The following AGBL1 variants were observed in gnomAD, a reference collection of about 807,000 sequenced individuals.
AGBL1 encodes cytosolic carboxypeptidase 4.
A neutral mutation model predicts 118.9 loss-of-function variants in AGBL1; 130 were observed. The ratio of observed to expected loss-of-function variants is 1.09; its 90% CI spans 0.95 to 1.26. AGBL1 has a LOEUF of 1.26. Ranked by LOEUF, AGBL1 falls within the 50% of genes most tolerant of loss-of-function variation. The pLI is 0.00. For missense variants in AGBL1, 1,584 were observed against 1,298.1 expected (o/e 1.22, Z -3.38); for synonymous variants, 555 against 478.9 (o/e 1.16, Z -2.08).
rs2141790868 is a variant in AGBL1, at chr15:87,015,602, G to A, written c.3324-13223G>A. 2.0e-5 allele frequency among the ~76,000 whole-genome samples: 3 copies of A among 152,232 alleles called. No individual in the cohort carries two copies. The Middle Eastern group carries it at 0.01, about 518-fold the overall frequency. On this transcript the variant is annotated intron_variant, in intron 24 of 24. Transcript: ENST00000441037. ...TACAACATGATTCTTGACTTCAGTTGAAAATGGTTTAGTGGAGGGAAACAG... is the reference window on the plus strand; with the variant it reads ...TACAACATGATTCTTGACTTCAGTTAAAAATGGTTTAGTGGAGGGAAACAG...
In AGBL1 at chr15:86,194,627, A is replaced by G. The variant is rs559565562; in HGVS notation, c.489-30287A>G. Among the ~76,000 whole-genome samples the G allele has an allele frequency of 3.9e-5, 6 of 152,276 alleles. No homozygotes were observed. In the South Asian group the frequency reaches 8.3e-4, roughly 21 times the overall value. On this transcript the variant is annotated intron_variant, in intron 5 of 22. Coordinates refer to ENST00000614907, the MANE Select transcript of AGBL1 (RefSeq NM_001386094.1). Reference sequence around the variant, plus strand: ...CACCAGTTGTGTAACTTATTTTCCTACGATAACCTGGGTGATAGCCAACAG... The same window carrying G: ...CACCAGTTGTGTAACTTATTTTCCTGCGATAACCTGGGTGATAGCCAACAG...
At position 86,097,326 on chromosome 15, in the gene AGBL1, G is replaced by T. The variant is rs556397147; in HGVS notation, c.51+17303G>T. Among the ~76,000 whole-genome samples the T allele has an allele frequency of 2.0e-5, 3 of 152,216 alleles. No individual in the cohort carries two copies. In the South Asian group the frequency reaches 6.2e-4, roughly 32 times the overall value. On this transcript the variant is annotated intron_variant, in intron 1 of 22. Transcript: ENST00000614907. Reference sequence around the variant, plus strand: ...TTTCTGTATGTTGAGAACATTTCAGGTTCTCTCTTCTAGCTCTATTTAAAT... The same window carrying T: ...TTTCTGTATGTTGAGAACATTTCAGTTTCTCTCTTCTAGCTCTATTTAAAT...
chr15:86,633,740 T>C (rs1250450440), intron 21 of AGBL1, among the ~76,000 whole-genome samples: 4 of 149,584 alleles, frequency 2.7e-5, no homozygotes, highest in African/African-American at 7.3e-5. Context: ...CTTTGTACTG[T>C]ATTATACACA....
intron 18 of AGBL1, among the ~76,000 whole-genome samples, chr15:86,520,371 G>A (rs1401607385): frequency 6.6e-6 from 1 of 152,184 alleles, no homozygotes; most frequent in Admixed American, 6.5e-5. Flanking sequence ...TCACACATGA[G>A]AATGTTGACT....
intron 23 of AGBL1, among the ~76,000 whole-genome samples, chr15:86,982,976 T>C (rs1481958778): frequency 6.6e-6 from 1 of 152,206 alleles, no homozygotes; most frequent in African/African-American, 2.4e-5. Context: ...CGCCATTTTT[T>C]AGTTGACTGG....
In AGBL1 at chr15:86,921,750, G is replaced by A. The variant is rs150583908; in HGVS notation, c.3222-66237G>A. Among the ~76,000 whole-genome samples, 5 of 152,158 alleles carry A rather than the reference G, an allele frequency of 3.3e-5. No homozygotes were observed. In the South Asian group the frequency reaches 8.3e-4, roughly 25 times the overall value. On this transcript the variant is annotated intron_variant, in intron 23 of 24. Coordinates refer to the AGBL1 transcript ENST00000441037. ...GACTGTCTGTGGCCAAGGCTGTAAT[G>A]TCAAGGCGCCTGTGGCATGTCCACC...
intron 22 of AGBL1, among the ~76,000 whole-genome samples, chr15:86,798,951 A>T (rs2078611657): frequency 6.6e-6 from 1 of 151,934 alleles, no homozygotes; most frequent in African/African-American, 2.4e-5. Context: ...GGCAGTCTTC[A>T]TTTGGCATTC....
intron 22 of AGBL1, among the ~76,000 whole-genome samples, chr15:86,890,834 C>G (rs969206953): frequency 3.3e-5 from 5 of 152,062 alleles, no homozygotes; most frequent in African/African-American, 7.2e-5. Context: ...ATGCCTCCAC[C>G]TTTGTTCTTT....
intron 7 of AGBL1, among the ~76,000 whole-genome samples, chr15:86,250,587 A>G (rs143699704): frequency 0.012 from 1,654 of 140,134 alleles, 12 homozygotes; most frequent in South Asian, 0.029. Flanking sequence ...GTGCTCTTCC[A>G]GAGAAAATGT....
chr15:86,308,361 C>G (rs1229415730), intron 17 of AGBL1, among the ~76,000 whole-genome samples: 20 of 151,936 alleles, frequency 1.3e-4, no homozygotes, highest in Admixed American at 1.3e-3. Flanking sequence ...AGAGAGATTA[C>G]TCCCTTTCTC....
At chr15:86,968,533 G>C (rs1357741464) in intron 23 of AGBL1, among the ~76,000 whole-genome samples, 1 of 151,848 alleles carries the variant, frequency 6.6e-6, no homozygotes, top group Non-Finnish European at 1.5e-5. Flanking sequence ...ATCAAATTAA[G>C]ACTCTTGGAA....
intron 22 of AGBL1, among the ~76,000 whole-genome samples, chr15:86,713,675 AAATT>A (rs2142697134): frequency 6.6e-6 from 1 of 152,284 alleles, no homozygotes; most frequent in East Asian, 1.9e-4. Context: ...TCAGCATAAT[AAATT>A]AGTGATGGGA....
chr15:86,682,706 A>T (rs913045961), intron 22 of AGBL1, among the ~76,000 whole-genome samples: 3 of 152,130 alleles, frequency 2.0e-5, no homozygotes, highest in Admixed American at 2.0e-4. Flanking sequence ...GCAGTAAAAA[A>T]AGAACATTAT....
chr15:86,460,221 C>A (rs1187895271), intron 18 of AGBL1, among the ~76,000 whole-genome samples: 1 of 148,904 alleles, frequency 6.7e-6, no homozygotes, highest in Admixed American at 6.8e-5. Context: ...GCATCTCACA[C>A]CTATCATCTC....
intron 7 of AGBL1, among the ~76,000 whole-genome samples, chr15:86,252,013 T>C (rs1422604320): frequency 6.6e-6 from 1 of 152,206 alleles, no homozygotes; most frequent in African/African-American, 2.4e-5. Flanking sequence ...TGAGCATGCA[T>C]CAAAGTTACC....
intron 17 of AGBL1, chr15:86,296,383 A>G (rs2079641961): frequency 6.6e-6 from 1 of 152,242 alleles, no homozygotes; most frequent in East Asian, 1.9e-4. Context: ...TGGTGAAGAT[A>G]CAGCCTTCTC....
At chr15:86,236,932 C>CCG (rs1555453415) in intron 6 of AGBL1, among the ~76,000 whole-genome samples, 1 of 9,372 alleles carries the variant, frequency 1.1e-4, no homozygotes, top group East Asian at 1.9e-3. Context: ...GATATGTGGG[C>CCG]GGGGGGGGGC....
At chr15:86,884,619 C>A (rs1050428106) in intron 22 of AGBL1, among the ~76,000 whole-genome samples, 1 of 152,176 alleles carries the variant, frequency 6.6e-6, no homozygotes, top group Non-Finnish European at 1.5e-5. Flanking sequence ...GGAGACCAGC[C>A]TGGACAACAT....
At chr15:86,797,010 G>T (rs1019743182) in intron 22 of AGBL1, among the ~76,000 whole-genome samples, 15 of 152,144 alleles carry the variant, frequency 9.9e-5, no homozygotes, top group Admixed American at 7.9e-4. Flanking sequence ...ACAAACCTGA[G>T]TTCAAATTTT....
Sources: gnomAD v4.1 joint callset for allele counts (sites outside exome capture counted in the v4.1 genomes callset) on GRCh38, gnomAD v4.1.1 for gene constraint, MANE v1.5 for transcripts, NCBI Gene and HGNC (gene_info 2026-07-23, HGNC 2026-07-21) for gene names.